SSX2IP: variants seen among roughly 807,000 people sequenced by gnomAD.
SSX2IP encodes the protein afadin- and alpha-actinin-binding protein.
SSX2IP carries 55 observed loss-of-function variants against 84.9 expected under a neutral mutation model. The observed-to-expected ratio is 0.65, with a 90% CI of 0.52 to 0.81. The LOEUF (loss-of-function observed/expected upper bound fraction) is 0.81, where lower values mean the gene tolerates loss of function less well. SSX2IP is among the 30% of genes least tolerant of loss of function. The probability of loss-of-function intolerance (pLI) is 0.00; values close to 1 mark genes in which losing one functional copy is unlikely to be tolerated. For synonymous variants in SSX2IP, 239 were observed against 234.7 expected, an observed-to-expected ratio of 1.02 and a Z score of -0.17; for missense variants, 664 against 705.2, an observed-to-expected ratio of 0.94 and a Z score of 0.66.
chr1:84,689,933 A>T (rs1437589854), intron 1 of SSX2IP, among the ~76,000 whole-genome samples: 1 of 152,142 alleles, frequency 6.6e-6, no homozygotes, highest in Non-Finnish European at 1.5e-5. Flanking sequence ...CGGCTGCACT[A>T]GCAAATCGCC....
chr1:84,664,344 A>G (rs2102356475), intron 6 of SSX2IP, 73 bp downstream of exon 6: 2 of 1,340,276 alleles, frequency 1.5e-6, no homozygotes, highest in Non-Finnish European at 2.0e-6. Flanking sequence ...ACTGTGTTCA[A>G]TCCTTTTACA....
intron 8 of SSX2IP, among the ~76,000 whole-genome samples, chr1:84,658,751 T>C (rs1466383225): frequency 6.6e-6 from 1 of 152,260 alleles, no homozygotes; most frequent in Non-Finnish European, 1.5e-5. Flanking sequence ...ATGTGTTGGA[T>C]GTTTTCACGT....
intron 1 of SSX2IP, among the ~76,000 whole-genome samples, chr1:84,676,291 C>T (rs137856008): frequency 2.0e-5 from 3 of 152,160 alleles, no homozygotes; most frequent in African/African-American, 2.4e-5. Context: ...GTAGGTAACA[C>T]GTATATAGCC....
At chr1:84,657,246 A>G (rs1292287434) in intron 9 of SSX2IP, among the ~76,000 whole-genome samples, 1 of 152,172 alleles carries the variant, frequency 6.6e-6, no homozygotes, top group Non-Finnish European at 1.5e-5. Context: ...GATAATAGTT[A>G]AGTGAAAAAA....
intron 1 of SSX2IP, among the ~76,000 whole-genome samples, chr1:84,677,769 C>A (rs550835604): frequency 6.6e-6 from 1 of 152,164 alleles, no homozygotes; most frequent in African/African-American, 2.4e-5. Flanking sequence ...CGTCTGAGGT[C>A]AGCAGGATCT....
intron 11 of SSX2IP, among the ~76,000 whole-genome samples, chr1:84,655,065 T>C (rs1026934275): frequency 1.3e-5 from 2 of 151,926 alleles, no homozygotes; most frequent in East Asian, 3.9e-4. Context: ...AGACATGAGA[T>C]GTGAATGAGG....
At chr1:84,661,914 A>G (rs545960683) in intron 8 of SSX2IP, among the ~76,000 whole-genome samples, 1 of 152,346 alleles carries the variant, frequency 6.6e-6, no homozygotes, top group East Asian at 1.9e-4. Flanking sequence ...ATAATCTCAT[A>G]TGTTATGAGG....
At chr1:84,650,326 TAG>T in intron 13 of SSX2IP, 34 bp downstream of exon 13, 1 of 1,612,828 alleles carries the variant, frequency 6.2e-7, no homozygotes, top group Non-Finnish European at 8.5e-7. Context: ...TAGCAATTTT[TAG>T]AAACACGTGA....
chr1:84,650,572 G>A, intron 12 of SSX2IP, 45 bp from the exon 13 acceptor site: 1 of 1,598,768 alleles, frequency 6.3e-7, no homozygotes, highest in Non-Finnish European at 8.6e-7. Context: ...ATATGGTGAG[G>A]CATTAAATAT....
Position 84,666,240 on chromosome 1 carries a change from A to G in SSX2IP, c.427-8T>C. ...GGAGGTTTCCAGTTGTTCCTAAAAC[A>G]TTTATAAGCAATTTTGCTTAAAATT... On this transcript the variant is annotated splice_polypyrimidine_tract_variant and splice_region_variant and intron_variant, in intron 4 of 13. Coordinates refer to ENST00000342203, the MANE Select transcript of SSX2IP (RefSeq NM_001166293.2). 1 of 1,599,438 alleles carries G rather than the reference A, an allele frequency of 6.3e-7. No individual in the cohort carries two copies. The highest frequency in any genetic ancestry group is 8.5e-7 in the Non-Finnish European group (1 of 1,171,718).
At chr1:84,653,143 T>C (rs1272631656) in intron 11 of SSX2IP, among the ~76,000 whole-genome samples, 2 of 152,122 alleles carry the variant, frequency 1.3e-5, no homozygotes, top group African/African-American at 4.8e-5. Context: ...ACTGTCTTCA[T>C]ATCAATTTTA....
intron 13 of SSX2IP, chr1:84,649,824 A>T (rs1649961940): frequency 7.3e-6 from 3 of 413,040 alleles, no homozygotes; most frequent in Admixed American, 3.2e-5. Flanking sequence ...GGAAAACACC[A>T]AAATGTAGCA....
intron 13 of SSX2IP, among the ~76,000 whole-genome samples, chr1:84,648,734 A>G (rs991463212): frequency 7.9e-5 from 12 of 152,258 alleles, no homozygotes; most frequent in South Asian, 2.1e-4. Context: ...GGTCAAATTT[A>G]GAAGTTTGAA....
intron 1 of SSX2IP, among the ~76,000 whole-genome samples, chr1:84,675,263 T>C (rs1259626510): frequency 6.6e-6 from 1 of 152,224 alleles, no homozygotes; most frequent in African/African-American, 2.4e-5. Flanking sequence ...TCCTCACAAC[T>C]GGATGAGAAC....
chr1:84,677,368 C>G (rs1466314491), intron 1 of SSX2IP, among the ~76,000 whole-genome samples: 2 of 152,134 alleles, frequency 1.3e-5, no homozygotes, highest in Non-Finnish European at 2.9e-5. Flanking sequence ...TGGTTAATCA[C>G]ATCTGTTTTT....
intron 1 of SSX2IP, among the ~76,000 whole-genome samples, chr1:84,684,960 C>G (rs769904872): frequency 4.0e-5 from 6 of 150,684 alleles, no homozygotes; most frequent in Admixed American, 1.3e-4. Flanking sequence ...AGGTGAGGGA[C>G]AGAGGAAAAA....
chr1:84,652,385 T>TG (rs1455786829), intron 11 of SSX2IP: 3 of 130,562 alleles, frequency 2.3e-5, no homozygotes, highest in African/African-American at 9.5e-5. Flanking sequence ...ATAGCACCAC[T>TG]GCACTCTAGC....
intron 12 of SSX2IP, 109 bp downstream of exon 12, chr1:84,651,774 C>G (rs185854293): frequency 1.5e-6 from 1 of 671,482 alleles, no homozygotes; most frequent in East Asian, 2.8e-5. Flanking sequence ...TTAGAGAGCT[C>G]TAATTGGTGA....
intron 12 of SSX2IP, 100 bp downstream of exon 12, chr1:84,651,783 G>T: frequency 1.4e-6 from 1 of 729,152 alleles, no homozygotes; most frequent in Non-Finnish European, 2.2e-6. Context: ...TCTAATTGGT[G>T]ATTTCCAAAG....
Sources: gnomAD v4.1 joint callset for allele counts (sites outside exome capture counted in the v4.1 genomes callset) on GRCh38, gnomAD v4.1.1 for gene constraint, MANE v1.5 for transcripts, NCBI Gene and HGNC (gene_info 2026-07-23, HGNC 2026-07-21) for gene names.